The following BCAR1 variants were observed in gnomAD, a reference collection of about 807,000 sequenced individuals.
BCAR1 encodes BCAR1 scaffold protein, Cas family member, also known as breast cancer anti-estrogen resistance protein 1.
Under a neutral mutation model 67.6 loss-of-function variants are expected in BCAR1, and 30 were observed. The observed-to-expected ratio is 0.44, with a 90% CI of 0.33 to 0.60. The LOEUF (loss-of-function observed/expected upper bound fraction) is 0.60, where lower values mean the gene tolerates loss of function less well. BCAR1 is among the 20% of genes least tolerant of loss of function. The pLI, the probability that BCAR1 is intolerant of heterozygous loss-of-function variation, is 0.02. For missense variants in BCAR1, 1,313 were observed against 1,222.3 expected (o/e 1.07, Z -1.11); for synonymous variants, 626 against 556.7 (o/e 1.12, Z -1.75).
At chr16:75,242,056 T>C (rs2077360209) in intron 2 of BCAR1, among the ~76,000 whole-genome samples, 1 of 152,172 alleles carries the variant, frequency 6.6e-6, no homozygotes, top group Admixed American at 6.5e-5. Context: ...GGCCAGAAGA[T>C]GTGCCGGAAC....
chr16:75,259,265 T>C (rs896846347), intron 1 of BCAR1, among the ~76,000 whole-genome samples: 10 of 152,226 alleles, frequency 6.6e-5, no homozygotes, highest in Middle Eastern at 3.2e-3. Context: ...AGGCATACAA[T>C]TGGATATCAG....
intron 2 of BCAR1, among the ~76,000 whole-genome samples, chr16:75,241,340 G>T (rs1030682762): frequency 2.6e-5 from 4 of 152,120 alleles, no homozygotes; most frequent in African/African-American, 9.7e-5. Context: ...TGTGTGCATG[G>T]GTGTTCGTAT....
At chr16:75,238,163 G>C in intron 2 of BCAR1, 2 of 1,272,022 alleles carry the variant, frequency 1.6e-6, no homozygotes, top group Non-Finnish European at 2.0e-6. Flanking sequence ...GGCCTGCCCA[G>C]GGCCACAGGA....
At chr16:75,263,629 A>G (rs1001058015) in intron 1 of BCAR1, 2 of 985,168 alleles carry the variant, frequency 2.0e-6, no homozygotes, top group African/African-American at 3.5e-5. Flanking sequence ...CAGCCCACCA[A>G]TCTCTCACCC....
intron 2 of BCAR1, among the ~76,000 whole-genome samples, chr16:75,241,591 T>A (rs2077343677): frequency 1.3e-5 from 2 of 152,236 alleles, no homozygotes; most frequent in Non-Finnish European, 2.9e-5. Context: ...TGGGAGCCAG[T>A]GACCCAGGTT....
rs368841980 is a variant in BCAR1 at position 75,235,893 on chromosome 16, C to T, written c.1006G>A (p.Ala336Thr). The change falls in exon 5 of 7, where the codon GCC becomes ACC. Residue 336 changes from alanine (A) to threonine (T), a missense_variant. Ala to Thr is a moderately conservative substitution (Grantham distance 58). Coordinates refer to ENST00000162330, the MANE Select transcript of BCAR1 (RefSeq NM_014567.5). ...TYDVPPAFAK[A>T]KPFDPARTPL... Reference sequence around the variant, plus strand: ...GTGCGGGCCGGGTCAAAGGGCTTGGCCTTGGCGAAGGCGGGGGGCACATCG... The same window carrying T: ...GTGCGGGCCGGGTCAAAGGGCTTGGTCTTGGCGAAGGCGGGGGGCACATCG... 6.4e-7 allele frequency: 1 copy of T among 1,563,476 alleles called. No homozygotes were observed. Among genetic ancestry groups the T allele is most frequent in the East Asian group, 2.4e-5 (1 of 42,230 alleles).
upstream of BCAR1, chr16:75,252,261 G>A: frequency 6.5e-7 from 1 of 1,536,704 alleles, no homozygotes; most frequent in African/African-American, 1.4e-5. Context: ...CCGACATCTG[G>A]GGACTCGGGC....
At chr16:75,234,036 G>C in intron 5 of BCAR1, 101 bp from the exon 6 acceptor site, 1 of 1,101,180 alleles carries the variant, frequency 9.1e-7, no homozygotes, top group Non-Finnish European at 1.3e-6. Flanking sequence ...CCACCAGGTG[G>C]TGCTGCGTGT....
chr16:75,238,818 G>T lies in BCAR1; in HGVS notation c.634-1474C>A. On this transcript the variant is annotated intron_variant, in intron 2 of 6. Coordinates refer to ENST00000162330, the MANE Select transcript of BCAR1 (RefSeq NM_014567.5). ...GACCTGCCAACAGCGGGGCAGGCGG[G>T]GCGGAGGGACGTGGCAGGTTGGCTG... The T allele has an allele frequency of 3.0e-6, 3 of 985,446 alleles. No homozygotes were observed. In the South Asian group the frequency reaches 1.4e-4, roughly 46 times the overall value. 61.0% of individuals were successfully genotyped at this position (985,446 alleles called of 1,614,324 possible).
intron 1 of BCAR1, among the ~76,000 whole-genome samples, chr16:75,258,417 A>G (rs1409568686): frequency 6.6e-6 from 1 of 152,254 alleles, no homozygotes; most frequent in Non-Finnish European, 1.5e-5. Flanking sequence ...TTCACTATGC[A>G]TGTTATAAAG....
At position 75,236,922 on chromosome 16, in the gene BCAR1, G is replaced by A; in HGVS notation, c.872C>T (p.Pro291Leu). The stretch of plus-strand genomic sequence containing the variant: ...CGGTGGCAGGCCCTTCTCCACACTG[G>A]GGGGCACGTCATACACCTCCAGCAA... ...DPLLEVYDVPPSVEKGLPPSN... is the reference protein window; with the variant it reads ...DPLLEVYDVPLSVEKGLPPSN... The change falls in exon 4 of 7, where the codon CCC becomes CTC. Residue 291 changes from proline (P) to leucine (L), a missense_variant. This residue lies in a region of BCAR1 where 1,272 missense variants were observed against 1,137.5 expected (regional missense o/e 1.12). Coordinates refer to ENST00000162330, the MANE Select transcript of BCAR1 (RefSeq NM_014567.5). 4 of 1,612,850 alleles carry A rather than the reference G, an allele frequency of 2.5e-6. No homozygotes were observed. The highest frequency in any genetic ancestry group is 3.4e-6 in the Non-Finnish European group (4 of 1,179,560).
chr16:75,262,675 C>T (rs2077930682), intron 1 of BCAR1, among the ~76,000 whole-genome samples: 1 of 152,128 alleles, frequency 6.6e-6, no homozygotes, highest in African/African-American at 2.4e-5. Flanking sequence ...TGGGCAGCTC[C>T]CCCACTCACA....
intron 1 of BCAR1, among the ~76,000 whole-genome samples, chr16:75,256,944 G>A (rs908369604): frequency 2.6e-5 from 4 of 152,196 alleles, no homozygotes; most frequent in South Asian, 2.1e-4. Context: ...ACTCTGCCCC[G>A]CTGCTGACCA....
chr16:75,251,097 A>T (rs2077666702), intron 1 of BCAR1: 6 of 605,170 alleles, frequency 9.9e-6, no homozygotes, highest in African/African-American at 2.0e-5. Flanking sequence ...CAGAGGCTCA[A>T]CGGCCCCTCC....
chr16:75,265,798 C>A, intron 1 of BCAR1: 2 of 1,195,872 alleles, frequency 1.7e-6, no homozygotes, highest in South Asian at 4.2e-5. Context: ...ACAGCCGGCC[C>A]GGGGTCCCGG....
chr16:75,237,145 C>A, intron 3 of BCAR1, 38 bp downstream of exon 3: 1 of 1,491,834 alleles, frequency 6.7e-7, no homozygotes, highest in Non-Finnish European at 8.9e-7. Flanking sequence ...CACAGACTTG[C>A]CGCCCTGCCC....
At chr16:75,257,709 G>C (rs1236634381) in intron 1 of BCAR1, among the ~76,000 whole-genome samples, 2 of 152,190 alleles carry the variant, frequency 1.3e-5, no homozygotes, top group Non-Finnish European at 2.9e-5. Flanking sequence ...CTCCCGCCTT[G>C]ACTTCCCAAA....
At chr16:75,253,578 A>G (rs2077719806), upstream of BCAR1, among the ~76,000 whole-genome samples, 3 of 152,178 alleles carry the variant, frequency 2.0e-5, no homozygotes, top group Admixed American at 6.5e-5. Context: ...TGGTGTGAGC[A>G]GGAGGCAGCA....
chr16:75,264,449 C>A, intron 1 of BCAR1: 2 of 1,510,304 alleles, frequency 1.3e-6, no homozygotes, highest in South Asian at 1.2e-5. Flanking sequence ...CCAGAGAAGT[C>A]CAGAACTTTC....
Sources: gnomAD v4.1 joint callset for allele counts (sites outside exome capture counted in the v4.1 genomes callset) on GRCh38, gnomAD v4.1.1 for gene constraint, gnomAD v4.1.1 regional missense constraint, MANE v1.5 for transcripts, NCBI Gene and HGNC (gene_info 2026-07-23, HGNC 2026-07-21) for gene names.